The following LCMT1 variants were observed in gnomAD, a reference collection of about 807,000 sequenced individuals.
LCMT1 encodes leucine carboxyl methyltransferase 1.
In LCMT1, 32 loss-of-function variants were observed where a neutral mutation model predicts 47.7. That is an observed-to-expected ratio of 0.67 (90% CI 0.51 to 0.90). The LOEUF (loss-of-function observed/expected upper bound fraction) is 0.90, where lower values mean the gene tolerates loss of function less well. Ranked by LOEUF, LCMT1 falls within the 40% of genes least tolerant of loss-of-function variation. The pLI is 0.00. For missense variants in LCMT1, 375 were observed against 415.2 expected (o/e 0.90, Z 0.84); for synonymous variants, 152 against 149.7 (o/e 1.02, Z -0.11).
chr16:25,140,312 G>A, intron 4 of LCMT1, 65 bp downstream of exon 4: 1 of 1,235,106 alleles, frequency 8.1e-7, no homozygotes, highest in Admixed American at 2.0e-5. Flanking sequence ...TCAAGAGATG[G>A]CAGATCTGAA....
chr16:25,129,946 G>A (rs1960300263), intron 2 of LCMT1, among the ~76,000 whole-genome samples: 1 of 152,184 alleles, frequency 6.6e-6, no homozygotes, highest in Admixed American at 6.5e-5. Flanking sequence ...CTCACTGTGG[G>A]TGGGAGGGAA....
chr16:25,148,643 A>G (rs1960954471), intron 4 of LCMT1: 1 of 152,410 alleles, frequency 6.6e-6, no homozygotes. Context: ...ACGCGAGGGA[A>G]GGGAAAACAT....
At chr16:25,122,464 A>G (rs1156885047) in intron 1 of LCMT1, among the ~76,000 whole-genome samples, 2 of 151,844 alleles carry the variant, frequency 1.3e-5, no homozygotes, top group Admixed American at 6.6e-5. Context: ...GTGCACTACC[A>G]TGCCCGGCTG....
At chr16:25,133,385 G>GTTTTTTTTTTTTTTTT (rs1177872054) in intron 3 of LCMT1, among the ~76,000 whole-genome samples, 1 of 52,586 alleles carries the variant, frequency 1.9e-5, no homozygotes, top group Non-Finnish European at 3.3e-5. Flanking sequence ...CTGGGCTTAG[G>GTTTTTTTTTTTTTTTT]TTTTTTTTTT....
chr16:25,151,953 C>T (rs1156785182), intron 5 of LCMT1, among the ~76,000 whole-genome samples: 1 of 152,056 alleles, frequency 6.6e-6, no homozygotes, highest in African/African-American at 2.4e-5. Flanking sequence ...CTATAGGAGT[C>T]ATCATGAATA....
intron 9 of LCMT1, among the ~76,000 whole-genome samples, chr16:25,171,494 C>G (rs752448172): frequency 1.3e-5 from 2 of 152,142 alleles, no homozygotes; most frequent in African/African-American, 2.4e-5. Flanking sequence ...AAGTTAAACA[C>G]TGATAGCAGC....
intron 1 of LCMT1, among the ~76,000 whole-genome samples, chr16:25,121,141 A>G (rs1346911867): frequency 1.3e-5 from 2 of 150,128 alleles, no homozygotes; most frequent in Non-Finnish European, 3.0e-5. Flanking sequence ...AAGAATGTCA[A>G]TTTTGGCCAG....
chr16:25,128,963 C>G (rs1419861650), intron 2 of LCMT1, among the ~76,000 whole-genome samples: 1 of 143,344 alleles, frequency 7.0e-6, no homozygotes, highest in Non-Finnish European at 1.5e-5. Flanking sequence ...GCATGCAGGG[C>G]TTAAAAATCT....
intron 10 of LCMT1, among the ~76,000 whole-genome samples, chr16:25,176,460 A>G (rs972135426): frequency 6.6e-6 from 1 of 150,816 alleles, no homozygotes; most frequent in East Asian, 2.0e-4. Context: ...TGGACCTGTC[A>G]TTCCACACAG....
intron 6 of LCMT1, 90 bp downstream of exon 6, chr16:25,161,294 T>G: frequency 1.7e-6 from 1 of 604,994 alleles, no homozygotes; most frequent in Non-Finnish European, 2.8e-6. Context: ...ATGATATTCA[T>G]GTTCCATTTT....
At chr16:25,129,316 A>G (rs192761178) in intron 2 of LCMT1, among the ~76,000 whole-genome samples, 361 of 152,274 alleles carry the variant, frequency 2.4e-3, no homozygotes, top group African/African-American at 8.0e-3. Flanking sequence ...AAAAAAGAAC[A>G]CAATATCTAC....
chr16:25,174,533 A>G (rs1186550817), intron 9 of LCMT1, among the ~76,000 whole-genome samples: 5 of 152,198 alleles, frequency 3.3e-5, no homozygotes, highest in African/African-American at 1.2e-4. Flanking sequence ...GTTATTGCAT[A>G]TTAATACGTA....
rs370169092 is a variant in LCMT1, at chr16:25,128,700, A to G, written c.205+134A>G. The G allele has an allele frequency of 6.7e-5, 44 of 661,254 alleles. No individual in the cohort carries two copies. In the African/African-American group the frequency reaches 7.2e-4, roughly 11 times the overall value. The allele number at this position is 661,254 out of a possible 1,614,324, so 41.0% of individuals were successfully genotyped here. ...GTGCTTATTTCCCCAGATCTTCACC[A>G]ACACGGTGTGTTATAAACTTGTTTG... On this transcript the variant is annotated intron_variant, in intron 2 of 10. Transcript: ENST00000399069.
chr16:25,176,549 GCTTTTTT>G (rs1567332079), intron 10 of LCMT1, among the ~76,000 whole-genome samples: 1 of 62,844 alleles, frequency 1.6e-5, no homozygotes, highest in Non-Finnish European at 3.1e-5. Flanking sequence ...TTTTTTTTTG[GCTTTTTT>G]TTTTTTTTTT....
intron 5 of LCMT1, among the ~76,000 whole-genome samples, 198 bp downstream of exon 5, chr16:25,151,813 A>C (rs188275690): frequency 2.6e-5 from 4 of 152,118 alleles, no homozygotes; most frequent in African/African-American, 7.2e-5. Flanking sequence ...TTGAGCCTGC[A>C]GGGTGGCCAT....
At chr16:25,160,726 A>G (rs762780969) in intron 5 of LCMT1, 1 of 520,060 alleles carries the variant, frequency 1.9e-6, no homozygotes, top group Admixed American at 2.0e-5. Context: ...CTATGAAATC[A>G]TTATACAGAA....
intron 7 of LCMT1, among the ~76,000 whole-genome samples, chr16:25,166,000 G>A (rs1162841943): frequency 6.6e-6 from 1 of 151,966 alleles, no homozygotes; most frequent in Admixed American, 6.6e-5. Flanking sequence ...GGGTGCGGTG[G>A]CTCACGCCTG....
At chr16:25,135,447 A>G (rs574437897) in intron 3 of LCMT1, among the ~76,000 whole-genome samples, 38 of 152,348 alleles carry the variant, frequency 2.5e-4, no homozygotes, top group Non-Finnish European at 4.9e-4. Context: ...TTCAGCAGCC[A>G]TATGACAATT....
intron 1 of LCMT1, among the ~76,000 whole-genome samples, chr16:25,113,817 G>C (rs905661172): frequency 4.6e-5 from 7 of 152,118 alleles, no homozygotes; most frequent in African/African-American, 1.4e-4. Flanking sequence ...TGCATTTTTA[G>C]TGGAGACAGG....
Sources: allele counts gnomAD v4.1 joint callset (sites outside exome capture counted in the v4.1 genomes callset), GRCh38; gene constraint gnomAD v4.1.1; transcripts MANE v1.5; gene names NCBI Gene and HGNC (gene_info 2026-07-23, HGNC 2026-07-21).